HEPH: variants seen among roughly 807,000 people sequenced by gnomAD.
HEPH encodes the protein hephaestin.
HEPH carries 69 observed loss-of-function variants against 80.8 expected under a neutral mutation model. That is an observed-to-expected ratio of 0.85 (90% CI 0.70 to 1.04). HEPH has a LOEUF of 1.04. HEPH is among the 50% of genes least tolerant of loss of function. The pLI, the probability that HEPH is intolerant of heterozygous loss-of-function variation, is 0.00. For missense variants in HEPH, 1,115 were observed against 891.3 expected (o/e 1.25, Z -3.20); for synonymous variants, 431 against 322.8 (o/e 1.34, Z -3.60).
intron 15 of HEPH, among the ~76,000 whole-genome samples, chrX:66,222,014 A>G (rs918423336): frequency 2.7e-5 from 3 of 112,692 alleles, no homozygotes; most frequent in Admixed American, 9.3e-5. Context: ...ACTAATGTAC[A>G]AGTGCCACTC....
intron 17 of HEPH, 68 bp from the exon 18 acceptor site, chrX:66,258,772 G>A (rs2091262227): frequency 1.1e-6 from 1 of 917,277 alleles, no homozygotes; most frequent in Admixed American, 3.8e-5. Flanking sequence ...AGTGGAAATG[G>A]GAAGTCCAAA....
At chrX:66,256,064 C>G in intron 16 of HEPH, 41 bp from the exon 17 acceptor site, 1 of 1,081,366 alleles carries the variant, frequency 9.2e-7, no homozygotes, top group Non-Finnish European at 1.3e-6. Context: ...CCAGAAACAA[C>G]TCCATCTCTT....
chrX:66,177,167 A>C (rs905662203), intron 4 of HEPH, among the ~76,000 whole-genome samples: 2 of 111,443 alleles, frequency 1.8e-5, no homozygotes, highest in African/African-American at 6.5e-5. Context: ...GGATATGAAC[A>C]GATGGTCTGT....
intron 15 of HEPH, among the ~76,000 whole-genome samples, chrX:66,210,330 T>G (rs1569339978): frequency 8.9e-6 from 1 of 111,905 alleles, no homozygotes; most frequent in African/African-American, 3.2e-5. Context: ...TAGAATGTAT[T>G]AGAGAGTAAT....
chrX:66,189,971 A>C, intron 6 of HEPH, 33 bp downstream of exon 6: 1 of 1,147,420 alleles, frequency 8.7e-7, no homozygotes, highest in Non-Finnish European at 1.2e-6. Flanking sequence ...ATTGGGTTGT[A>C]AGAGAGAGGT....
intron 8 of HEPH, 73 bp from the exon 9 acceptor site, chrX:66,195,025 C>T: frequency 2.4e-6 from 2 of 846,427 alleles, no homozygotes; most frequent in Non-Finnish European, 3.2e-6. Flanking sequence ...TCTTTCCCTC[C>T]CTCTTCTTCC....
At chrX:66,259,133 T>C (rs1284855914) in intron 18 of HEPH, among the ~76,000 whole-genome samples, 154 bp downstream of exon 18, 1 of 112,246 alleles carries the variant, frequency 8.9e-6, no homozygotes, top group African/African-American at 3.2e-5. Flanking sequence ...CTAGTCTGGC[T>C]GTATATCCTA....
chrX:66,217,459 T>G (rs1168627085), intron 15 of HEPH, among the ~76,000 whole-genome samples: 1 of 111,665 alleles, frequency 9.0e-6, no homozygotes, highest in East Asian at 2.8e-4. Flanking sequence ...GGAAAGATAC[T>G]GTGTTTTTCA....
intron 15 of HEPH, among the ~76,000 whole-genome samples, chrX:66,252,778 T>C (rs1387545780): frequency 8.9e-6 from 1 of 112,164 alleles, no homozygotes; most frequent in Non-Finnish European, 1.9e-5. Flanking sequence ...TAGAATAGAA[T>C]TGAAGATCCA....
intron 11 of HEPH, among the ~76,000 whole-genome samples, chrX:66,200,206 A>G (rs1470885057): frequency 9.4e-6 from 1 of 106,199 alleles, no homozygotes; most frequent in Admixed American, 1.0e-4. Context: ...AAACCAAGGA[A>G]GGAGAGTTTC....
intron 15 of HEPH, among the ~76,000 whole-genome samples, chrX:66,235,024 C>T (rs190342855): frequency 9.0e-6 from 1 of 110,750 alleles, no homozygotes; most frequent in African/African-American, 3.3e-5. Flanking sequence ...TGTTCATGTC[C>T]TTTGCCCACT....
At chrX:66,262,516 T>C (rs1020473920) in intron 19 of HEPH, among the ~76,000 whole-genome samples, 1 of 111,654 alleles carries the variant, frequency 9.0e-6, no homozygotes, top group Non-Finnish European at 1.9e-5. Context: ...GGATGGGAAA[T>C]AAATAATTAT....
chrX:66,209,986 C>T (rs1271678045), intron 15 of HEPH, among the ~76,000 whole-genome samples: 1 of 111,511 alleles, frequency 9.0e-6, no homozygotes, highest in Admixed American at 9.5e-5. Flanking sequence ...GAAGCATCAA[C>T]ATCTAGATAG....
chrX:66,263,585 C>T (rs1569420867), intron 19 of HEPH, 59 bp from the exon 20 acceptor site: 6 of 1,157,255 alleles, frequency 5.2e-6, no homozygotes, highest in Middle Eastern at 2.4e-4. Flanking sequence ...CATAGGGGGC[C>T]TATGGATTGG....
intron 15 of HEPH, among the ~76,000 whole-genome samples, chrX:66,231,987 AG>A (rs1446033316): frequency 9.1e-6 from 1 of 110,167 alleles, no homozygotes; most frequent in African/African-American, 3.3e-5. Flanking sequence ...TTTAGCATGA[AG>A]GGTTGTTGAA....
intron 15 of HEPH, among the ~76,000 whole-genome samples, chrX:66,215,415 T>A: frequency 9.1e-6 from 1 of 110,167 alleles, no homozygotes; most frequent in Non-Finnish European, 1.9e-5. Flanking sequence ...CCAATACTAG[T>A]GATGGTAGTG....
At chrX:66,251,487 T>C (rs1337088004) in intron 15 of HEPH, among the ~76,000 whole-genome samples, 1 of 112,392 alleles carries the variant, frequency 8.9e-6, no homozygotes, top group Non-Finnish European at 1.9e-5. Context: ...TATTTGTCAT[T>C]CTTATATCTT....
At chrX:66,228,691 A>T (rs2089992966) in intron 15 of HEPH, among the ~76,000 whole-genome samples, 1 of 111,999 alleles carries the variant, frequency 8.9e-6, no homozygotes, top group Non-Finnish European at 1.9e-5. Flanking sequence ...CAAGAAAAAA[A>T]ATCCCATCAA....
chrX:66,255,002 G>A (rs749411637), intron 15 of HEPH, 33 bp from the exon 16 acceptor site: 8 of 1,040,047 alleles, frequency 7.7e-6, no homozygotes, highest in East Asian at 3.1e-5. Context: ...TTTCTGACCC[G>A]GTGCAACTGG....
Sources: gnomAD v4.1 joint callset for allele counts (sites outside exome capture counted in the v4.1 genomes callset) on GRCh38, gnomAD v4.1.1 for gene constraint, MANE v1.5 for transcripts, NCBI Gene and HGNC (gene_info 2026-07-23, HGNC 2026-07-21) for gene names.